TIMD4: variants seen among roughly 807,000 people sequenced by gnomAD.
TIMD4 encodes T cell immunoglobulin and mucin domain containing 4.
TIMD4 carries 31 observed loss-of-function variants against 41.2 expected under a neutral mutation model. That is an observed-to-expected ratio of 0.75 (90% CI 0.57 to 1.01). TIMD4 has a LOEUF of 1.01. TIMD4 is among the 50% of genes least tolerant of loss of function. The pLI, the probability that TIMD4 is intolerant of heterozygous loss-of-function variation, is 0.00. For synonymous variants in TIMD4, 204 were observed against 177.1 expected, an observed-to-expected ratio of 1.15 and a Z score of -1.21; for missense variants, 479 against 472.5, an observed-to-expected ratio of 1.01 and a Z score of -0.13.
intron 1 of TIMD4, among the ~76,000 whole-genome samples, 175 bp downstream of exon 1, chr5:156,962,966 G>C (rs1408934898): frequency 6.6e-6 from 1 of 152,142 alleles, no homozygotes; most frequent in East Asian, 1.9e-4. Flanking sequence ...ATAAACCTCT[G>C]TGTAACAAGG....
intron 3 of TIMD4, among the ~76,000 whole-genome samples, chr5:156,950,062 C>T (rs2113381645): frequency 6.6e-6 from 1 of 152,304 alleles, no homozygotes; most frequent in Non-Finnish European, 1.5e-5. Flanking sequence ...AAGTGATCCA[C>T]CTGCTTTGGT....
chr5:156,920,602 T>C lies in TIMD4; in HGVS notation c.1013-99A>G, dbSNP rs191884824. On this transcript the variant is annotated intron_variant, in intron 7 of 8. Coordinates refer to ENST00000274532, the MANE Select transcript of TIMD4 (RefSeq NM_138379.3). Reference sequence around the variant, plus strand: ...AGTGCTGCCCCGCAAAGAGCAGATATGGGCCAAAGGTGAGAACCAGTGGCT... The same window carrying C: ...AGTGCTGCCCCGCAAAGAGCAGATACGGGCCAAAGGTGAGAACCAGTGGCT... 1.1e-5 allele frequency: 14 copies of C among 1,286,340 alleles called. No individual in the cohort carries two copies. The East Asian group carries it at 3.2e-4, about 30-fold the overall frequency. 79.7% of individuals were successfully genotyped at this position (1,286,340 alleles called of 1,614,324 possible). A position where few individuals can be genotyped will look rare whatever the true frequency, so the allele number is the denominator to read the frequency against.
intron 5 of TIMD4, among the ~76,000 whole-genome samples, chr5:156,940,169 G>C (rs888296703): frequency 6.6e-6 from 1 of 152,256 alleles, no homozygotes; most frequent in African/African-American, 2.4e-5. Flanking sequence ...TGTTGGCCGG[G>C]CTGGTCTCCA....
chr5:156,939,578 C>G (rs1248392758), intron 5 of TIMD4, among the ~76,000 whole-genome samples: 2 of 152,218 alleles, frequency 1.3e-5, no homozygotes, highest in Non-Finnish European at 2.9e-5. Flanking sequence ...CCCACACTTT[C>G]AACTGCCTGT....
At chr5:156,959,889 A>G (rs1760046216) in intron 1 of TIMD4, among the ~76,000 whole-genome samples, 1 of 152,034 alleles carries the variant, frequency 6.6e-6, no homozygotes, top group South Asian at 2.1e-4. Flanking sequence ...AAAAAATACA[A>G]AAAATTAGCC....
At chr5:156,958,993 T>C (rs1244404244) in intron 1 of TIMD4, among the ~76,000 whole-genome samples, 2 of 152,206 alleles carry the variant, frequency 1.3e-5, no homozygotes, top group African/African-American at 4.8e-5. Context: ...TCCTTTGTTT[T>C]TGTGGGCTCA....
rs768345425 is a variant in TIMD4, at chr5:156,963,125, G to T, written c.58+16C>A. 7 of 1,613,368 alleles carry T rather than the reference G, an allele frequency of 4.3e-6. No homozygotes were observed. The South Asian group carries it at 5.5e-5, about 13-fold the overall frequency. The stretch of plus-strand genomic sequence containing the variant: ...TCCTCTGGAAACTTCTACATAGAAG[G>T]TTTCAGAACACTTACTCAGGTAAAG... On this transcript the variant is annotated intron_variant, in intron 1 of 8. Transcript: ENST00000274532.
chr5:156,942,540 T>C (rs1337019830), intron 5 of TIMD4, among the ~76,000 whole-genome samples: 1 of 152,216 alleles, frequency 6.6e-6, no homozygotes, highest in Non-Finnish European at 1.5e-5. Context: ...TCCCTCTGTC[T>C]AGCTGTGTGA....
intron 5 of TIMD4, among the ~76,000 whole-genome samples, chr5:156,937,708 C>T (rs1759565808): frequency 6.6e-6 from 1 of 152,128 alleles, no homozygotes; most frequent in Non-Finnish European, 1.5e-5. Flanking sequence ...CTGTTAGATG[C>T]TAGAATTACA....
At chr5:156,920,303 T>A (rs1294985839) in intron 8 of TIMD4, among the ~76,000 whole-genome samples, 161 bp downstream of exon 8, 2 of 152,246 alleles carry the variant, frequency 1.3e-5, no homozygotes, top group Non-Finnish European at 2.9e-5. Context: ...CAGGTTAATG[T>A]GAGCTAAATC....
chr5:156,958,961 AAAAT>A (rs1760032097), intron 1 of TIMD4, among the ~76,000 whole-genome samples: 1 of 151,636 alleles, frequency 6.6e-6, no homozygotes, highest in African/African-American at 2.4e-5. Context: ...CCCTTCTTGT[AAAAT>A]AAATAAATAA....
Position 156,951,774 on chromosome 5 carries a change from G to A in TIMD4, c.417C>T (p.His139=), listed in dbSNP as rs369211273. ...LNLQRASTTT[H]RTATTTTRRT... ...TGCGTGTGGTGGTGGTTGCTGTTCTGTGCGTGGTTGTTGAGGCTGTAACCA... is the reference window on the plus strand; with the variant it reads ...TGCGTGTGGTGGTGGTTGCTGTTCTATGCGTGGTTGTTGAGGCTGTAACCA... Residue 139 remains histidine, a synonymous_variant, in exon 3 of 9, where the codon CAC becomes CAT. Coordinates refer to ENST00000274532, the MANE Select transcript of TIMD4 (RefSeq NM_138379.3). 1.2e-6 allele frequency: 2 copies of A among 1,613,934 alleles called. No individual in the cohort carries two copies. Among genetic ancestry groups the A allele is most frequent in the East Asian group, 2.2e-5 (1 of 44,900 alleles).
At chr5:156,955,359 C>T (rs757591586) in intron 1 of TIMD4, among the ~76,000 whole-genome samples, 46 of 152,170 alleles carry the variant, frequency 3.0e-4, no homozygotes, top group Admixed American at 2.1e-3. Context: ...GGACTACAGA[C>T]TTAAAAGCTT....
intron 4 of TIMD4, among the ~76,000 whole-genome samples, 193 bp downstream of exon 4, chr5:156,949,454 TTCTC>T (rs147566138): frequency 1.4e-5 from 2 of 145,744 alleles, no homozygotes; most frequent in Non-Finnish European, 3.0e-5. Flanking sequence ...CTCCTCCTCC[TTCTC>T]TCTCTCTCTC....
In TIMD4 at chr5:156,922,179, G is replaced by A. The variant is rs1364865499; in HGVS notation, c.932C>T (p.Pro311Leu). Residue 311 changes from proline to leucine, a missense_variant, in exon 7 of 9, where the codon CCC (proline) becomes CTC (leucine). Physicochemically the swap from Pro to Leu is moderately conservative, Grantham distance 98. Coordinates refer to ENST00000274532, the MANE Select transcript of TIMD4 (RefSeq NM_138379.3). ...GIPMSMKNEM[P>L]ISQLLMIIAP... Reference sequence around the variant, plus strand: ...GATGATCATCAGTAGTTGGGAGATGGGCATTTCATTCTTCATTGACATGGG... The same window carrying A: ...GATGATCATCAGTAGTTGGGAGATGAGCATTTCATTCTTCATTGACATGGG... 6.2e-7 allele frequency: 1 copy of A among 1,613,978 alleles called. No homozygotes were observed. Among genetic ancestry groups the A allele is most frequent in the Non-Finnish European group, 8.5e-7 (1 of 1,179,934 alleles).
chr5:156,924,093 T>C (rs1418437589), intron 6 of TIMD4: 1 of 230,892 alleles, frequency 4.3e-6, no homozygotes, highest in South Asian at 5.8e-5. Context: ...TAAAAAGACC[T>C]TGTGAAAGTC....
intron 5 of TIMD4, among the ~76,000 whole-genome samples, chr5:156,947,978 G>A (rs767758787): frequency 6.6e-6 from 1 of 152,138 alleles, no homozygotes; most frequent in Non-Finnish European, 1.5e-5. Flanking sequence ...ATCATTCCTG[G>A]CATAAGGTCA....
chr5:156,922,066 G>A lies in TIMD4; in HGVS notation c.1012+33C>T, dbSNP rs138576560. 2.2e-4 allele frequency: 342 copies of A among 1,568,044 alleles called. 2 individuals carry two copies. In the African/African-American group the frequency reaches 4.1e-3, roughly 19 times the overall value. On this transcript the variant is annotated intron_variant, in intron 7 of 8. Transcript: ENST00000274532. Reference sequence around the variant, plus strand: ...ATCCTCCTGCAGTCGCCAGGGTTCTGAAGTGCTCCATCACCTGGCCCTCCC... The same window carrying A: ...ATCCTCCTGCAGTCGCCAGGGTTCTAAAGTGCTCCATCACCTGGCCCTCCC...
In TIMD4 at chr5:156,922,190, C is replaced by G. The variant is rs1393893821; in HGVS notation, c.921G>C (p.Lys307Asn). The G allele has an allele frequency of 1.9e-6, 3 of 1,613,944 alleles. No homozygotes were observed. The highest frequency in any genetic ancestry group is 1.7e-6 in the Non-Finnish European group (2 of 1,179,884). Residue 307 changes from lysine (K) to asparagine (N), a missense_variant, in exon 7 of 9, where the codon AAG becomes AAC. Physicochemically the swap from Lys to Asn is moderately conservative, Grantham distance 94. Coordinates refer to ENST00000274532, the MANE Select transcript of TIMD4 (RefSeq NM_138379.3). The stretch of plus-strand genomic sequence containing the variant: ...GTAGTTGGGAGATGGGCATTTCATT[C>G]TTCATTGACATGGGTATTCCATCCA... ...GQMDGIPMSM[K>N]NEMPISQLLM...
Sources: allele counts gnomAD v4.1 joint callset (sites outside exome capture counted in the v4.1 genomes callset), GRCh38; gene constraint gnomAD v4.1.1; transcripts MANE v1.5; gene names NCBI Gene and HGNC (gene_info 2026-07-23, HGNC 2026-07-21).